ADAM10: variants seen among roughly 807,000 people sequenced by gnomAD.
ADAM10 encodes disintegrin and metalloproteinase domain-containing protein 10.
Under a neutral mutation model 90.1 loss-of-function variants are expected in ADAM10, and 17 were observed. That is an observed-to-expected ratio of 0.19 (90% CI 0.13 to 0.28). The LOEUF is 0.28. Among genes scored for constraint, ADAM10 ranks in the 10% least tolerant of loss-of-function variants. The probability of loss-of-function intolerance (pLI) is 1.00; values close to 1 mark genes in which losing one functional copy is unlikely to be tolerated. For synonymous variants in ADAM10, 310 were observed against 298.6 expected (o/e 1.04, Z -0.40); for missense variants, 610 against 914.3 (o/e 0.67, Z 4.29).
chr15:58,621,732 G>A (rs1895793646), intron 10 of ADAM10, 111 bp from the exon 11 acceptor site: 3 of 1,321,028 alleles, frequency 2.3e-6, no homozygotes, highest in South Asian at 2.4e-5. Context: ...AAACTTTGAT[G>A]AATAAGTAGA....
chr15:58,624,603 C>CT (rs1895882930), intron 10 of ADAM10, among the ~76,000 whole-genome samples: 1 of 152,180 alleles, frequency 6.6e-6, no homozygotes, highest in East Asian at 1.9e-4. Flanking sequence ...ACGATCTTGG[C>CT]TCACTGCAAC....
intron 2 of ADAM10, among the ~76,000 whole-genome samples, chr15:58,688,786 A>ATATATATATATATATATATATCTCTCTC: frequency 2.3e-4 from 28 of 122,362 alleles, no homozygotes; most frequent in East Asian, 1.1e-3. Flanking sequence ...ATATATATAT[A>ATATATATATATATATATATATCTCTCTC]TCTCTCTCTC....
intron 1 of ADAM10, among the ~76,000 whole-genome samples, chr15:58,741,310 C>G (rs1395880570): frequency 2.7e-5 from 4 of 150,234 alleles, no homozygotes; most frequent in South Asian, 2.1e-4. Flanking sequence ...ACTGAATAGC[C>G]TAATTCCAAC....
At chr15:58,691,951 C>A (rs1897823694) in intron 2 of ADAM10, 10 of 414,330 alleles carry the variant, frequency 2.4e-5, no homozygotes, top group South Asian at 1.8e-4. Flanking sequence ...GCTAGGATTA[C>A]AGGCGTGAGC....
At chr15:58,707,695 T>C (rs1182609286) in intron 2 of ADAM10, among the ~76,000 whole-genome samples, 3 of 152,186 alleles carry the variant, frequency 2.0e-5, no homozygotes, top group African/African-American at 4.8e-5. Context: ...AGTTGATTTA[T>C]CTACTGAAAA....
intron 1 of ADAM10, among the ~76,000 whole-genome samples, chr15:58,731,506 T>A (rs1899238976): frequency 6.6e-6 from 1 of 152,018 alleles, no homozygotes. Context: ...CACACACTTG[T>A]TGTCCCAGCT....
chr15:58,606,738 C>T (rs1168828671), intron 14 of ADAM10, among the ~76,000 whole-genome samples: 1 of 152,212 alleles, frequency 6.6e-6, no homozygotes, highest in Admixed American at 6.5e-5. Flanking sequence ...CCATCACCTA[C>T]TGACTCAGTG....
chr15:58,643,145 C>G (rs185294388), intron 7 of ADAM10, among the ~76,000 whole-genome samples: 1 of 151,834 alleles, frequency 6.6e-6, no homozygotes, highest in South Asian at 2.1e-4. Flanking sequence ...TTAGAATATT[C>G]AGAAATCTTT....
chr15:58,602,612 G>A (rs770248183), intron 14 of ADAM10, among the ~76,000 whole-genome samples: 7 of 151,948 alleles, frequency 4.6e-5, no homozygotes, highest in South Asian at 4.2e-4. Flanking sequence ...ATATACATAC[G>A]TACATATATA....
intron 8 of ADAM10, among the ~76,000 whole-genome samples, chr15:58,635,916 T>C (rs888860594): frequency 1.2e-4 from 18 of 152,154 alleles, no homozygotes; most frequent in African/African-American, 2.2e-4. Context: ...TTCTGAAATA[T>C]AGTAATTTAT....
At position 58,591,604 on chromosome 15, in the gene ADAM10, G is replaced by C. The variant is rs1402830433; in HGVS notation, c.*5943C>G. 1 of 151,826 alleles carries C rather than the reference G, an allele frequency of 6.6e-6. No individual in the cohort carries two copies. The highest frequency in any genetic ancestry group is 2.4e-5 in the African/African-American group (1 of 41,332). The allele number at this position is 151,826 out of a possible 1,614,324, so 9.4% of individuals were successfully genotyped here. On this transcript the variant is annotated 3_prime_UTR_variant, in exon 16 of 16. Coordinates refer to ENST00000260408, the MANE Select transcript of ADAM10 (RefSeq NM_001110.4). ...ATGAAAAATTTCAAATATAAACACA[G>C]GTAGAGAAAATAGTATAATAAATCC...
At chr15:58,607,484 T>C (rs1436172781) in intron 14 of ADAM10, among the ~76,000 whole-genome samples, 21 of 152,224 alleles carry the variant, frequency 1.4e-4, no homozygotes, top group African/African-American at 4.6e-4. Flanking sequence ...GGAGTAGTTT[T>C]CCAGATTCAT....
At chr15:58,718,393 T>C (rs1234433788) in intron 1 of ADAM10, among the ~76,000 whole-genome samples, 1 of 152,202 alleles carries the variant, frequency 6.6e-6, no homozygotes, top group African/African-American at 2.4e-5. Context: ...GTTTAGAATT[T>C]TGTTTTCTGT....
rs75108394 is a variant in ADAM10 at position 58,678,887 on chromosome 15, G to C, written c.484+237C>G. Among the ~76,000 whole-genome samples, 9 of 152,304 alleles carry C rather than the reference G, an allele frequency of 5.9e-5. No homozygotes were observed. In the East Asian group the frequency reaches 1.3e-3, roughly 23 times the overall value. ...CCGTCAGATTTGGTTGACTCACACA[G>C]TTCAAACAGAATTAGTTATGTCATA... On this transcript the variant is annotated intron_variant, in intron 4 of 15. Coordinates refer to ENST00000260408, the MANE Select transcript of ADAM10 (RefSeq NM_001110.4).
At chr15:58,651,130 A>T (rs1896676113) in intron 5 of ADAM10, among the ~76,000 whole-genome samples, 2 of 152,090 alleles carry the variant, frequency 1.3e-5, no homozygotes, top group South Asian at 4.1e-4. Context: ...TTGTGAATAC[A>T]TAGGTATATA....
rs558097489 is a variant in ADAM10, at chr15:58,717,774, C to T, written c.56-47G>A. 6 of 1,585,226 alleles carry T rather than the reference C, an allele frequency of 3.8e-6. No homozygotes were observed. The Admixed American group carries it at 8.7e-5, about 23-fold the overall frequency. On this transcript the variant is annotated intron_variant, in intron 1 of 15. Coordinates refer to ENST00000260408, the MANE Select transcript of ADAM10 (RefSeq NM_001110.4). ...CTGAATTAGTATCATCTTGAAGACCCCTTCTAGTTCTAACACGATTATTCA... is the reference window on the plus strand; with the variant it reads ...CTGAATTAGTATCATCTTGAAGACCTCTTCTAGTTCTAACACGATTATTCA...
In ADAM10 at chr15:58,702,601, A is replaced by T. The variant is rs568843840; in HGVS notation, c.206+14976T>A. ...ACATGTACAAGTATTATGTATTTAA[A>T]TTTTTTAAAATAATTTTTAAAACAA... On this transcript the variant is annotated intron_variant, in intron 2 of 15. Transcript: ENST00000260408. Among the ~76,000 whole-genome samples, 17 of 152,334 alleles carry T rather than the reference A, an allele frequency of 1.1e-4. No individual in the cohort carries two copies. In the South Asian group the frequency reaches 3.1e-3, roughly 28 times the overall value.
intron 1 of ADAM10, among the ~76,000 whole-genome samples, chr15:58,741,041 G>C (rs1218176263): frequency 2.6e-5 from 4 of 152,034 alleles, no homozygotes; most frequent in African/African-American, 9.7e-5. Context: ...CTAGGAAAAG[G>C]GGTAGTAAAT....
At chr15:58,610,698 A>G (rs1222493913) in intron 13 of ADAM10, 181 bp from the exon 14 acceptor site, 20 of 698,294 alleles carry the variant, frequency 2.9e-5, no homozygotes, top group Admixed American at 6.6e-5. Flanking sequence ...AAATGTTACA[A>G]TGTAAACAAG....
Sources: gnomAD v4.1 joint callset for allele counts (sites outside exome capture counted in the v4.1 genomes callset) on GRCh38, gnomAD v4.1.1 for gene constraint, MANE v1.5 for transcripts, NCBI Gene and HGNC (gene_info 2026-07-23, HGNC 2026-07-21) for gene names.